HTR1E: variants seen among roughly 807,000 people sequenced by gnomAD.
The protein encoded by HTR1E is 5-HT-1E.
A neutral mutation model predicts 3.4 loss-of-function variants in HTR1E; 3 were observed. The ratio of observed to expected loss-of-function variants is 0.89; its 90% CI spans 0.41 to 2.31. HTR1E has a LOEUF of 2.31. HTR1E is among the 30% of genes most tolerant of loss of function. The pLI, the probability that HTR1E is intolerant of heterozygous loss-of-function variation, is 0.05. For missense variants in HTR1E, 392 were observed against 467.0 expected (o/e 0.84, Z 1.48); for synonymous variants, 170 against 182.8 (o/e 0.93, Z 0.56).
At chr6:86,947,875 A>T (rs1043396115) in intron 1 of HTR1E, among the ~76,000 whole-genome samples, 7 of 151,942 alleles carry the variant, frequency 4.6e-5, no homozygotes, top group East Asian at 1.9e-4. Flanking sequence ...CCTTTTTTTA[A>T]AAAATTTTAC....
rs141941732 is a variant in HTR1E at position 86,963,494 on chromosome 6, A to G, written c.-186+25671A>G. Among the ~76,000 whole-genome samples, 872 of 152,316 alleles carry G rather than the reference A, an allele frequency of 5.7e-3. 35 individuals carry two copies. The highest frequency in any genetic ancestry group is 0.053 in the Admixed American group (805 of 15,284). ...GTAGCCTTAGTGTACAGTGTTTAGAAAGTCTACAGTAGTGTACAGTAATGT... is the reference window on the plus strand; with the variant it reads ...GTAGCCTTAGTGTACAGTGTTTAGAGAGTCTACAGTAGTGTACAGTAATGT... On this transcript the variant is annotated intron_variant, in intron 1 of 1. Coordinates refer to ENST00000305344, the MANE Select transcript of HTR1E (RefSeq NM_000865.3).
At chr6:87,010,370 C>A (rs1412267558) in intron 1 of HTR1E, among the ~76,000 whole-genome samples, 2 of 120,548 alleles carry the variant, frequency 1.7e-5, no homozygotes, top group Non-Finnish European at 3.5e-5. Flanking sequence ...GGGGGCTGAC[C>A]CCCCCATCTC....
intron 1 of HTR1E, among the ~76,000 whole-genome samples, chr6:86,954,016 C>T (rs1266306950): frequency 6.6e-6 from 1 of 152,144 alleles, no homozygotes; most frequent in South Asian, 2.1e-4. Context: ...TCCAACAAAG[C>T]CCCTCCTCCA....
chr6:86,992,781 G>T (rs544633899), intron 1 of HTR1E, among the ~76,000 whole-genome samples: 2 of 152,252 alleles, frequency 1.3e-5, no homozygotes, highest in African/African-American at 4.8e-5. Flanking sequence ...TTTTCAAATT[G>T]TAAAACCAAG....
At chr6:86,963,849 A>C (rs1051677570) in intron 1 of HTR1E, among the ~76,000 whole-genome samples, 2 of 152,226 alleles carry the variant, frequency 1.3e-5, no homozygotes, top group African/African-American at 2.4e-5. Context: ...GCCTAACGAC[A>C]CATTTCTTAG....
intron 1 of HTR1E, among the ~76,000 whole-genome samples, chr6:86,944,429 G>T (rs1376331640): frequency 6.6e-6 from 1 of 152,166 alleles, no homozygotes; most frequent in African/African-American, 2.4e-5. Context: ...TCATAGTAAT[G>T]TTCTCAGACT....
intron 1 of HTR1E, among the ~76,000 whole-genome samples, chr6:87,004,301 G>T (rs1768072167): frequency 6.6e-6 from 1 of 152,006 alleles, no homozygotes; most frequent in African/African-American, 2.4e-5. Context: ...AAAAATAGAA[G>T]ACTACAGACC....
Position 87,016,344 on chromosome 6 carries a change from C to A in HTR1E, c.1010C>A (p.Ser337Tyr). Reference sequence around the variant, plus strand: ...CTGACGTGGCTCGGTTATGTGAATTCTCTGATCAACCCTCTGCTCTATACG... The same window carrying A: ...CTGACGTGGCTCGGTTATGTGAATTATCTGATCAACCCTCTGCTCTATACG... Reference protein sequence around the residue: ...DFLTWLGYVNSLINPLLYTSF... With the variant: ...DFLTWLGYVNYLINPLLYTSF... Residue 337 changes from serine (S) to tyrosine (Y), a missense_variant, in exon 2 of 2, where the codon TCT becomes TAT. Ser to Tyr is a moderately radical substitution (Grantham distance 144). Coordinates refer to ENST00000305344, the MANE Select transcript of HTR1E (RefSeq NM_000865.3). 6 of 1,614,184 alleles carry A rather than the reference C, an allele frequency of 3.7e-6. No homozygotes were observed. The highest frequency in any genetic ancestry group is 5.1e-6 in the Non-Finnish European group (6 of 1,180,036).
chr6:86,984,295 T>C (rs1767752961), intron 1 of HTR1E, among the ~76,000 whole-genome samples: 1 of 152,340 alleles, frequency 6.6e-6, no homozygotes, highest in East Asian at 1.9e-4. Flanking sequence ...CGAAAGGTCA[T>C]ATAATTCTAC....
At chr6:86,954,713 C>A (rs1767296802) in intron 1 of HTR1E, among the ~76,000 whole-genome samples, 1 of 152,174 alleles carries the variant, frequency 6.6e-6, no homozygotes. Flanking sequence ...ATTCTGTTAC[C>A]AAGTCAGTGC....
intron 1 of HTR1E, among the ~76,000 whole-genome samples, chr6:86,964,053 A>G (rs1767442157): frequency 6.6e-6 from 1 of 152,182 alleles, no homozygotes; most frequent in Admixed American, 6.6e-5. Context: ...ACCCTAGAAG[A>G]GAAGTTGCAC....
At chr6:86,984,919 A>G (rs913243953) in intron 1 of HTR1E, among the ~76,000 whole-genome samples, 8 of 152,204 alleles carry the variant, frequency 5.3e-5, no homozygotes, top group Admixed American at 1.3e-4. Context: ...TAGAAAATAT[A>G]CTTAAACCTA....
intron 1 of HTR1E, among the ~76,000 whole-genome samples, chr6:87,000,570 T>C (rs906197395): frequency 3.3e-5 from 5 of 152,158 alleles, no homozygotes. Context: ...GTGGAAACCT[T>C]AGAGGCCAGG....
At chr6:87,002,017 A>G (rs911306431) in intron 1 of HTR1E, among the ~76,000 whole-genome samples, 3 of 152,260 alleles carry the variant, frequency 2.0e-5, no homozygotes, top group African/African-American at 7.2e-5. Flanking sequence ...ATAAGAAGAG[A>G]CAAAGAAGGT....
chr6:87,006,430 T>C (rs1213413773), intron 1 of HTR1E, among the ~76,000 whole-genome samples: 2 of 152,190 alleles, frequency 1.3e-5, no homozygotes, highest in Admixed American at 6.5e-5. Flanking sequence ...AAACAACAGA[T>C]GCTGGCGAGG....
intron 1 of HTR1E, among the ~76,000 whole-genome samples, chr6:86,982,308 T>G (rs1767726768): frequency 6.6e-6 from 1 of 152,242 alleles, no homozygotes; most frequent in African/African-American, 2.4e-5. Flanking sequence ...CTTTAGATAA[T>G]TTTATACCTT....
At chr6:86,964,648 C>G (rs1582263334) in intron 1 of HTR1E, among the ~76,000 whole-genome samples, 1 of 152,164 alleles carries the variant, frequency 6.6e-6, no homozygotes, top group Admixed American at 6.5e-5. Context: ...GTAAACTTCT[C>G]CTTACAACAG....
chr6:86,951,645 A>G (rs1767242082), intron 1 of HTR1E, among the ~76,000 whole-genome samples: 1 of 152,334 alleles, frequency 6.6e-6, no homozygotes, highest in Middle Eastern at 3.4e-3. Context: ...CTTACAAAAC[A>G]TGCTTGTATT....
At chr6:86,968,026 C>CCA (rs76642294) in intron 1 of HTR1E, among the ~76,000 whole-genome samples, 23,548 of 152,054 alleles carry the variant, frequency 0.15, 2,101 homozygotes, top group East Asian at 0.29. Context: ...GCATATCAAT[C>CCA]GAGATAATAA....
Sources: allele counts gnomAD v4.1 joint callset (sites outside exome capture counted in the v4.1 genomes callset), GRCh38; gene constraint gnomAD v4.1.1; transcripts MANE v1.5; gene names NCBI Gene and HGNC (gene_info 2026-07-23, HGNC 2026-07-21).